Variants in TSPAN2 observed in about 807,000 individuals in gnomAD.
The protein encoded by TSPAN2 is tetraspanin-2.
TSPAN2 carries 24 observed loss-of-function variants against 33.3 expected under a neutral mutation model. The observed-to-expected ratio is 0.72, with a 90% CI of 0.52 to 1.01. The LOEUF (loss-of-function observed/expected upper bound fraction) is 1.01. Ranked by LOEUF, TSPAN2 falls within the 50% of genes least tolerant of loss-of-function variation. The probability of loss-of-function intolerance (pLI) is 0.00; values close to 1 mark genes in which losing one functional copy is unlikely to be tolerated. For missense variants in TSPAN2, 278 were observed against 281.3 expected (o/e 0.99, Z 0.08); for synonymous variants, 114 against 104.5 (o/e 1.09, Z -0.56).
rs1159606995 is a variant in TSPAN2 at position 115,057,612 on chromosome 1, G to C, written c.445-4C>G. ...TTTCTTTTCCACAGCACTGAAACTA[G>C]AGAGTCAGAAAAGAGACTTCAGGAC... On this transcript the variant is annotated splice_region_variant and splice_polypyrimidine_tract_variant and intron_variant, in intron 5 of 7. Coordinates refer to ENST00000369516, the MANE Select transcript of TSPAN2 (RefSeq NM_005725.6). 2.5e-6 allele frequency: 4 copies of C among 1,613,914 alleles called. No individual in the cohort carries two copies. The highest frequency in any genetic ancestry group is 2.7e-5 in the African/African-American group (2 of 74,936).
chr1:115,088,408 G>A (rs957315970), intron 1 of TSPAN2, among the ~76,000 whole-genome samples: 1 of 152,138 alleles, frequency 6.6e-6, no homozygotes, highest in African/African-American at 2.4e-5. Context: ...TAGCTGAGCA[G>A]TTACACTGGC....
At chr1:115,081,528 G>A (rs905973615) in intron 1 of TSPAN2, among the ~76,000 whole-genome samples, 5 of 152,188 alleles carry the variant, frequency 3.3e-5, no homozygotes, top group Non-Finnish European at 7.3e-5. Flanking sequence ...CGGTACGTAG[G>A]TGTAAAGGAG....
At chr1:115,057,757 G>T (rs150006304) in intron 5 of TSPAN2, 149 bp from the exon 6 acceptor site, 4 of 709,050 alleles carry the variant, frequency 5.6e-6, no homozygotes, top group Non-Finnish European at 1.0e-5. Context: ...TGGAAGGAGA[G>T]TGAAGAATCA....
rs1647263843 is a variant in TSPAN2 at position 115,053,473 on chromosome 1, G to GA, written c.517-12dup. 2 of 1,612,198 alleles carry GA rather than the reference G, an allele frequency of 1.2e-6. No homozygotes were observed. Among genetic ancestry groups the GA allele is most frequent in the African/African-American group, 1.3e-5 (1 of 74,772 alleles). On this transcript the variant is annotated splice_polypyrimidine_tract_variant and intron_variant, in intron 6 of 7. Coordinates refer to ENST00000369516, the MANE Select transcript of TSPAN2 (RefSeq NM_005725.6). ...TTCATCGATGCAATTCTGTTTTGAG[G>GA]AAAAAAAGTCGGGAATAAAAACTGA...
chr1:115,089,341 G>C, intron 1 of TSPAN2, 23 bp downstream of exon 1: 3 of 1,557,608 alleles, frequency 1.9e-6, no homozygotes, highest in African/African-American at 1.4e-5. Context: ...GCCCTGACCG[G>C]CCCTCCCGGC....
chr1:115,060,378 T>C (rs1647666063), intron 4 of TSPAN2, 86 bp downstream of exon 4: 1 of 1,070,772 alleles, frequency 9.3e-7, no homozygotes, highest in Admixed American at 2.1e-5. Flanking sequence ...TAATGGGGAT[T>C]ATTTGGTTTC....
intron 1 of TSPAN2, among the ~76,000 whole-genome samples, chr1:115,085,154 G>A (rs939399744): frequency 2.4e-4 from 36 of 152,238 alleles, no homozygotes; most frequent in African/African-American, 8.7e-4. Context: ...GAAAGGCACA[G>A]GAATATGCTG....
chr1:115,062,859 T>C (rs1391050609), intron 2 of TSPAN2, among the ~76,000 whole-genome samples: 3 of 152,174 alleles, frequency 2.0e-5, no homozygotes, highest in Non-Finnish European at 2.9e-5. Flanking sequence ...TCTGGGTTGC[T>C]GATGGTGGTT....
chr1:115,064,538 G>A (rs910178401), intron 2 of TSPAN2, among the ~76,000 whole-genome samples: 6 of 152,160 alleles, frequency 3.9e-5, no homozygotes, highest in African/African-American at 1.4e-4. Context: ...GCTTTTGCAG[G>A]TTCTCATATT....
chr1:115,079,214 A>G (rs1035441925), intron 1 of TSPAN2, among the ~76,000 whole-genome samples: 6 of 152,042 alleles, frequency 3.9e-5, no homozygotes, highest in Non-Finnish European at 1.5e-5. Context: ...TCAATTCTGT[A>G]TTCTTGCTTC....
chr1:115,070,986 T>C (rs1648149308), intron 2 of TSPAN2, among the ~76,000 whole-genome samples: 1 of 152,176 alleles, frequency 6.6e-6, no homozygotes, highest in South Asian at 2.1e-4. Flanking sequence ...TATTTTTTTG[T>C]CTCAAATGTC....
At chr1:115,075,169 A>G (rs1165952556) in intron 1 of TSPAN2, among the ~76,000 whole-genome samples, 1 of 152,170 alleles carries the variant, frequency 6.6e-6, no homozygotes, top group Non-Finnish European at 1.5e-5. Context: ...ACATTTGTCC[A>G]GTTCTGGCAC....
Position 115,072,824 on chromosome 1 carries a change from G to T in TSPAN2, c.172+81C>A, listed in dbSNP as rs1648234312. 11 of 1,261,696 alleles carry T rather than the reference G, an allele frequency of 8.7e-6. 1 individual carries two copies. The South Asian group carries it at 1.1e-4, about 13-fold the overall frequency. The allele number at this position is 1,261,696 out of a possible 1,614,324, so 78.2% of individuals were successfully genotyped here. A position where few individuals can be genotyped will look rare whatever the true frequency, so the allele number is the denominator to read the frequency against. On this transcript the variant is annotated intron_variant, in intron 2 of 7. Transcript: ENST00000369516. ...TCTCTGCCCTCCCCCTCCCACCAAA[G>T]TTCAAGTGCAGCTTCTGCTCTAAGT... is the stretch of plus-strand genomic sequence containing the variant.
intron 1 of TSPAN2, among the ~76,000 whole-genome samples, chr1:115,075,243 G>A (rs955396457): frequency 6.6e-6 from 1 of 152,168 alleles, no homozygotes; most frequent in Non-Finnish European, 1.5e-5. Flanking sequence ...ATTGGGCAAT[G>A]GGAAAAAATC....
At chr1:115,062,298 T>G (rs1016789960) in intron 2 of TSPAN2, 66 bp from the exon 3 acceptor site, 110 of 1,267,588 alleles carry the variant, frequency 8.7e-5, no homozygotes, top group Admixed American at 8.0e-5. Context: ...CAACTAGGCT[T>G]AAGACTCTGG....
chr1:115,055,368 T>C (rs1647358151), intron 6 of TSPAN2, among the ~76,000 whole-genome samples: 1 of 150,556 alleles, frequency 6.6e-6, no homozygotes, highest in Non-Finnish European at 1.5e-5. Flanking sequence ...ATTCTCACCA[T>C]AAAAGGTAAT....
intron 6 of TSPAN2, among the ~76,000 whole-genome samples, chr1:115,054,713 C>T (rs1055745482): frequency 1.3e-5 from 2 of 152,092 alleles, no homozygotes; most frequent in Non-Finnish European, 2.9e-5. Flanking sequence ...CATGGCTGGG[C>T]GCGGTGGCTC....
chr1:115,073,812 C>T (rs1204287263), intron 1 of TSPAN2, among the ~76,000 whole-genome samples: 6 of 152,192 alleles, frequency 3.9e-5, no homozygotes, highest in South Asian at 2.1e-4. Flanking sequence ...AGTCATCACC[C>T]GGCTTCCTTT....
chr1:115,068,158 C>T (rs1648021893), intron 2 of TSPAN2, among the ~76,000 whole-genome samples: 1 of 152,200 alleles, frequency 6.6e-6, no homozygotes. Context: ...TGAGAAGAGA[C>T]ACAGGTGGCA....
Sources: allele counts gnomAD v4.1 joint callset (sites outside exome capture counted in the v4.1 genomes callset), GRCh38; gene constraint gnomAD v4.1.1; transcripts MANE v1.5; gene names NCBI Gene and HGNC (gene_info 2026-07-23, HGNC 2026-07-21).